Variants in HECW2 observed in about 807,000 individuals in gnomAD.
The protein encoded by HECW2 is HECT, C2 and WW domain containing E3 ubiquitin protein ligase 2, also known as E3 ubiquitin-protein ligase HECW2.
Under a neutral mutation model 175.2 loss-of-function variants are expected in HECW2, and 61 were observed. The ratio of observed to expected loss-of-function variants is 0.35; its 90% confidence interval spans 0.28 to 0.43. The LOEUF (loss-of-function observed/expected upper bound fraction) is 0.43. Ranked by LOEUF, HECW2 falls within the 20% of genes least tolerant of loss-of-function variation. HECW2 has a pLI of 1.00. For missense variants in HECW2, 1,524 were observed against 2,000.5 expected (o/e 0.76, Z 4.54); for synonymous variants, 671 against 731.0 (o/e 0.92, Z 1.32).
chr2:196,523,620 G>C (rs1688507878), intron 1 of HECW2, among the ~76,000 whole-genome samples: 1 of 151,368 alleles, frequency 6.6e-6, no homozygotes, highest in East Asian at 1.9e-4. Context: ...GTTTGTCATA[G>C]ATAGCTCTTA....
intron 1 of HECW2, among the ~76,000 whole-genome samples, chr2:196,561,657 C>A (rs375405867): frequency 6.6e-6 from 1 of 152,198 alleles, no homozygotes; most frequent in African/African-American, 2.4e-5. Context: ...TTTCTCAGAC[C>A]GGCCGGCACT....
At chr2:196,399,306 T>G (rs1375897918) in intron 2 of HECW2, among the ~76,000 whole-genome samples, 1 of 152,166 alleles carries the variant, frequency 6.6e-6, no homozygotes, top group Non-Finnish European at 1.5e-5. Flanking sequence ...CATTTCTGCA[T>G]GAAAACATAT....
chr2:196,362,137 T>C, intron 2 of HECW2: 1 of 985,396 alleles, frequency 1.0e-6, no homozygotes, highest in African/African-American at 1.7e-5. Flanking sequence ...AAGCCACTCC[T>C]GCCTTTCATC....
At chr2:196,593,376 C>T (rs1009616993) in intron 1 of HECW2, 132 bp downstream of exon 1, 1 of 151,060 alleles carries the variant, frequency 6.6e-6, no homozygotes, top group Non-Finnish European at 1.5e-5. Context: ...GCTCGCTCTC[C>T]AGGCGCCGAC....
intron 2 of HECW2, among the ~76,000 whole-genome samples, chr2:196,383,861 C>T (rs146886411): frequency 6.5e-4 from 99 of 152,330 alleles, no homozygotes; most frequent in African/African-American, 2.2e-3. Flanking sequence ...ATTTATTTCA[C>T]GGCAAAAGGT....
In HECW2 at chr2:196,316,893, A is replaced by G. The variant is rs545410707; in HGVS notation, c.2434+381T>C. The stretch of plus-strand genomic sequence containing the variant: ...TGCTGTAAGTGAACAAAAAGGCAGT[A>G]TATTACATAGAGTGAGGTTTTTCTA... On this transcript the variant is annotated intron_variant, in intron 10 of 28. Coordinates refer to ENST00000644978, the MANE Select transcript of HECW2 (RefSeq NM_001348768.2). 4 of 183,602 alleles carry G rather than the reference A, an allele frequency of 2.2e-5. No individual in the cohort carries two copies. In the East Asian group the frequency reaches 5.0e-4, roughly 23 times the overall value. The allele number at this position is 183,602 out of a possible 1,614,324, so 11.4% of individuals were successfully genotyped here.
intron 2 of HECW2, among the ~76,000 whole-genome samples, chr2:196,345,578 G>T (rs567663084): frequency 4.6e-5 from 7 of 152,172 alleles, no homozygotes; most frequent in Non-Finnish European, 8.8e-5. Flanking sequence ...GAAGCAAGAC[G>T]CAATCAGGAT....
chr2:196,585,263 T>C (rs1478143722), intron 1 of HECW2, among the ~76,000 whole-genome samples: 1 of 152,228 alleles, frequency 6.6e-6, no homozygotes, highest in Non-Finnish European at 1.5e-5. Flanking sequence ...CAGAGCCATG[T>C]CTGATTATTA....
chr2:196,211,427 C>T (rs567112121), intron 28 of HECW2, among the ~76,000 whole-genome samples: 1 of 152,298 alleles, frequency 6.6e-6, no homozygotes, highest in East Asian at 1.9e-4. Context: ...AGAGGAAGTG[C>T]AGTCATGTGC....
intron 1 of HECW2, among the ~76,000 whole-genome samples, chr2:196,544,049 G>A (rs1159329279): frequency 1.3e-5 from 2 of 152,194 alleles, no homozygotes; most frequent in Admixed American, 1.3e-4. Flanking sequence ...CTAGGTAAAG[G>A]GGATACAAAG....
In HECW2 at chr2:196,302,011, C is replaced by T. The variant is rs1691081164; in HGVS notation, c.2814+4477G>A. On this transcript the variant is annotated intron_variant, in intron 13 of 28. Coordinates refer to ENST00000644978, the MANE Select transcript of HECW2 (RefSeq NM_001348768.2). ...AGATTTTTTTGTAGGGTTTTTATAG[C>T]TTTCAGCTTTACATTGAAGTCTTTA... Among the ~76,000 whole-genome samples, 3 of 152,040 alleles carry T rather than the reference C, an allele frequency of 2.0e-5. No individual in the cohort carries two copies. The South Asian group carries it at 6.2e-4, about 31-fold the overall frequency.
At chr2:196,586,584 T>C (rs555802840) in intron 1 of HECW2, 1 of 152,276 alleles carries the variant, frequency 6.6e-6, no homozygotes, top group East Asian at 1.9e-4. Flanking sequence ...TCAGAGGGTA[T>C]TACGTCTTCT....
chr2:196,273,915 T>C (rs943159682), intron 16 of HECW2, 106 bp downstream of exon 16: 13 of 760,104 alleles, frequency 1.7e-5, no homozygotes, highest in African/African-American at 5.2e-5. Context: ...TTTCTCAATA[T>C]AGGGCAAAAA....
intron 1 of HECW2, among the ~76,000 whole-genome samples, chr2:196,573,635 G>C (rs907617602): frequency 6.6e-6 from 1 of 152,046 alleles, no homozygotes; most frequent in African/African-American, 2.4e-5. Flanking sequence ...CCACTCAATG[G>C]GAAAAGCCGT....
intron 13 of HECW2, among the ~76,000 whole-genome samples, chr2:196,298,503 A>G (rs866012506): frequency 2.6e-5 from 4 of 151,748 alleles, no homozygotes; most frequent in African/African-American, 7.3e-5. Context: ...TACATTTATT[A>G]TTTTTTTCTT....
intron 2 of HECW2, among the ~76,000 whole-genome samples, chr2:196,367,688 CAT>C (rs1315912369): frequency 6.6e-6 from 1 of 152,116 alleles, no homozygotes; most frequent in East Asian, 1.9e-4. Flanking sequence ...CCTCTATCTT[CAT>C]GAGTTCAATT....
At chr2:196,265,183 T>C (rs921339872) in intron 17 of HECW2, among the ~76,000 whole-genome samples, 2 of 152,052 alleles carry the variant, frequency 1.3e-5, no homozygotes, top group South Asian at 2.1e-4. Context: ...TATAAACAAA[T>C]TAATAGTTGA....
At chr2:196,383,273 A>G (rs13396090) in intron 2 of HECW2, among the ~76,000 whole-genome samples, 38,853 of 152,168 alleles carry the variant, frequency 0.26, 6,373 homozygotes, top group African/African-American at 0.47. Flanking sequence ...TTGGGCTACA[A>G]TGAATTTGAG....
intron 1 of HECW2, among the ~76,000 whole-genome samples, chr2:196,478,453 C>A (rs747732946): frequency 4.6e-5 from 7 of 152,142 alleles, no homozygotes; most frequent in Non-Finnish European, 1.0e-4. Flanking sequence ...AGTAGCTTTG[C>A]AGTCACTGTT....
Sources: gnomAD v4.1 joint callset for allele counts (sites outside exome capture counted in the v4.1 genomes callset) on GRCh38, gnomAD v4.1.1 for gene constraint, MANE v1.5 for transcripts, NCBI Gene and HGNC (gene_info 2026-07-23, HGNC 2026-07-21) for gene names.